The following NTNG1 variants were observed in gnomAD, a reference collection of about 807,000 sequenced individuals.
The protein encoded by NTNG1 is netrin-G1.
Under a neutral mutation model 54.0 loss-of-function variants are expected in NTNG1, and 16 were observed. The observed-to-expected ratio is 0.30, with a 90% CI of 0.20 to 0.45. The LOEUF (loss-of-function observed/expected upper bound fraction) is 0.45, where lower values mean the gene tolerates loss of function less well. NTNG1 is among the 20% of genes least tolerant of loss of function. NTNG1 has a pLI of 1.00. For synonymous variants in NTNG1, 255 were observed against 263.1 expected (o/e 0.97, Z 0.30); for missense variants, 530 against 678.7 (o/e 0.78, Z 2.43).
chr1:107,451,398 G>A (rs1026613973), intron 7 of NTNG1, among the ~76,000 whole-genome samples: 1 of 152,076 alleles, frequency 6.6e-6, no homozygotes, highest in Non-Finnish European at 1.5e-5. Context: ...CAGAGGATGA[G>A]TTAATACTTC....
intron 3 of NTNG1, among the ~76,000 whole-genome samples, chr1:107,352,643 G>GC (rs1669692520): frequency 6.6e-6 from 1 of 152,230 alleles, no homozygotes; most frequent in African/African-American, 2.4e-5. Context: ...CAGGCCCCCT[G>GC]CAAGTCCAAA....
chr1:107,276,357 G>A (rs541206271), intron 2 of NTNG1, among the ~76,000 whole-genome samples: 33 of 152,166 alleles, frequency 2.2e-4, no homozygotes, highest in African/African-American at 7.5e-4. Flanking sequence ...GTCACTGTCA[G>A]CTCTGACCAT....
intron 3 of NTNG1, among the ~76,000 whole-genome samples, chr1:107,390,524 T>C (rs144631390): frequency 6.6e-6 from 1 of 152,324 alleles, no homozygotes; most frequent in African/African-American, 2.4e-5. Flanking sequence ...TCTCACAAAT[T>C]TCATAGCGTC....
chr1:107,460,471 C>A (rs1308584368), intron 7 of NTNG1: 3 of 513,430 alleles, frequency 5.8e-6, no homozygotes, highest in African/African-American at 5.8e-5. Context: ...CAATAGTTTT[C>A]TATTTAGGAA....
intron 2 of NTNG1, among the ~76,000 whole-genome samples, chr1:107,201,691 C>A (rs1057407473): frequency 6.6e-6 from 1 of 151,890 alleles, no homozygotes; most frequent in African/African-American, 2.4e-5. Flanking sequence ...AACTGGTCTT[C>A]CAGGCTGTAA....
intron 3 of NTNG1, among the ~76,000 whole-genome samples, chr1:107,326,755 T>C (rs1271413089): frequency 6.6e-6 from 1 of 152,074 alleles, no homozygotes; most frequent in Non-Finnish European, 1.5e-5. Flanking sequence ...TTGCCACTTG[T>C]AAATAAGGCA....
intron 2 of NTNG1, among the ~76,000 whole-genome samples, chr1:107,154,276 G>T (rs978695449): frequency 5.3e-5 from 8 of 151,948 alleles, no homozygotes; most frequent in African/African-American, 7.3e-5. Flanking sequence ...GAAAAGGAGA[G>T]AAAATATTAA....
intron 3 of NTNG1, among the ~76,000 whole-genome samples, chr1:107,360,970 T>C (rs187938017): frequency 1.3e-5 from 2 of 151,996 alleles, no homozygotes; most frequent in East Asian, 3.9e-4. Context: ...CTGCTTCTCG[T>C]GTAACTGCTA....
chr1:107,407,596 G>C, intron 4 of NTNG1, 86 bp from the exon 5 acceptor site: 1 of 1,119,894 alleles, frequency 8.9e-7, no homozygotes, highest in Non-Finnish European at 1.3e-6. Context: ...CAAGTGTCAA[G>C]TTTCTAAGAT....
chr1:107,209,221 T>G (rs1287090732), intron 2 of NTNG1, among the ~76,000 whole-genome samples: 1 of 152,102 alleles, frequency 6.6e-6, no homozygotes, highest in Non-Finnish European at 1.5e-5. Context: ...TTGCTTTGAT[T>G]ACCACAATGT....
chr1:107,482,348 A>G lies in NTNG1; in HGVS notation c.*1508A>G, dbSNP rs559878781. The G allele has an allele frequency of 3.3e-5, 5 of 152,336 alleles. No individual in the cohort carries two copies. Among genetic ancestry groups the G allele is most frequent in the Admixed American group, 2.0e-4 (3 of 15,298 alleles). The allele number at this position is 152,336 out of a possible 1,614,324, so 9.4% of individuals were successfully genotyped here. ...TATTTAGAGGAAATATCAAAATATA[A>G]AGCAGCAAGTAGACATAACTGCTGT... On this transcript the variant is annotated 3_prime_UTR_variant, in exon 8 of 8. Coordinates refer to ENST00000370068, the MANE Select transcript of NTNG1 (RefSeq NM_001113226.3).
Position 107,324,751 on chromosome 1 carries a change from A to G in NTNG1, c.716A>G (p.Asn239Ser). The G allele has an allele frequency of 8.7e-6, 14 of 1,613,676 alleles. No individual in the cohort carries two copies. The highest frequency in any genetic ancestry group is 1.2e-5 in the Non-Finnish European group (14 of 1,179,812). The part of the protein sequence containing the change: ...FAFFAGPRLR[N>S]MASLYGQLDT... ...TTTTTTGCTGGACCTCGCCTACGCA[A>G]TATGGCTTCCCTCTACGGACAGCTG... The change falls in exon 3 of 8, where the codon AAT becomes AGT. Residue 239 changes from asparagine to serine, a missense_variant. Physicochemically the swap from Asn to Ser is conservative, Grantham distance 46. This residue lies in a region of NTNG1 where 318 missense variants were observed against 465.1 expected (regional missense o/e 0.68). Transcript: ENST00000370068.
chr1:107,233,961 G>C (rs570055009), intron 2 of NTNG1, among the ~76,000 whole-genome samples: 8 of 152,262 alleles, frequency 5.3e-5, no homozygotes, highest in Non-Finnish European at 7.4e-5. Flanking sequence ...CGGATAATTA[G>C]CTGAACTAAT....
intron 5 of NTNG1, chr1:107,408,348 TAG>T (rs1673579573): frequency 6.4e-6 from 1 of 155,268 alleles, no homozygotes; most frequent in African/African-American, 2.4e-5. Flanking sequence ...GAGTTTGATA[TAG>T]AAAGAGTATA....
chr1:107,259,420 G>A (rs1389126002), intron 2 of NTNG1, among the ~76,000 whole-genome samples: 2 of 152,126 alleles, frequency 1.3e-5, no homozygotes, highest in African/African-American at 4.8e-5. Context: ...TGTAAGGCAT[G>A]AAATGTAACA....
Position 107,430,778 on chromosome 1 carries a change from A to T in NTNG1, c.1116A>T (p.Arg372=). 6.2e-7 allele frequency: 1 copy of T among 1,613,280 alleles called. No individual in the cohort carries two copies. Among genetic ancestry groups the T allele is most frequent in the Non-Finnish European group, 8.5e-7 (1 of 1,179,616 alleles). The change falls in exon 6 of 8, where the codon CGA becomes CGT. Residue 372 remains arginine, a synonymous_variant. Transcript: ENST00000370068. The part of the protein sequence containing the change: ...GNCECFGHSN[R]CSYIDLLNTV... ...GTGAATGCTTCGGCCACTCCAATCG[A>T]TGCAGTTATATCGATCTGCTAAATA...
intron 2 of NTNG1, among the ~76,000 whole-genome samples, chr1:107,208,423 A>G (rs1222512889): frequency 1.2e-5 from 1 of 86,780 alleles, no homozygotes; most frequent in East Asian, 4.6e-4. Context: ...AGAGCCAAAC[A>G]TCATCTCAAA....
intron 2 of NTNG1, among the ~76,000 whole-genome samples, chr1:107,236,705 T>C (rs1385423514): frequency 6.6e-6 from 1 of 152,166 alleles, no homozygotes; most frequent in Non-Finnish European, 1.5e-5. Context: ...CTCATGATAG[T>C]GAATGAGTCT....
At chr1:107,389,136 A>C (rs1672202311) in intron 3 of NTNG1, among the ~76,000 whole-genome samples, 1 of 152,262 alleles carries the variant, frequency 6.6e-6, no homozygotes, top group African/African-American at 2.4e-5. Context: ...GCATATTACC[A>C]TGTGAACATA....
Sources: gnomAD v4.1 joint callset for allele counts (sites outside exome capture counted in the v4.1 genomes callset) on GRCh38, gnomAD v4.1.1 for gene constraint, gnomAD v4.1.1 regional missense constraint, MANE v1.5 for transcripts, NCBI Gene and HGNC (gene_info 2026-07-23, HGNC 2026-07-21) for gene names.